The following ERAP1 variants were observed in gnomAD, a reference collection of about 807,000 sequenced individuals.
The protein encoded by ERAP1 is endoplasmic reticulum aminopeptidase 1.
Under a neutral mutation model 103.7 loss-of-function variants are expected in ERAP1, and 86 were observed. The ratio of observed to expected loss-of-function variants is 0.83; its 90% CI spans 0.70 to 0.99. The LOEUF is 0.99. Ranked by LOEUF, ERAP1 falls within the 50% of genes least tolerant of loss-of-function variation. The pLI, the probability that ERAP1 is intolerant of heterozygous loss-of-function variation, is 0.00. For missense variants in ERAP1, 1,009 were observed against 1,128.4 expected (o/e 0.89, Z 1.52); for synonymous variants, 398 against 402.4 (o/e 0.99, Z 0.13).
the ERAP1 span, among the ~76,000 whole-genome samples, chr5:96,839,181 T>C: frequency 6.6e-6 from 1 of 152,244 alleles, no homozygotes; most frequent in Non-Finnish European, 1.5e-5. Context: ...GGACATGTCA[T>C]CCTTGTGGTA....
intron 4 of ERAP1, among the ~76,000 whole-genome samples, chr5:96,795,638 GC>G: frequency 6.6e-6 from 1 of 152,288 alleles, no homozygotes; most frequent in East Asian, 1.9e-4. Context: ...GTACCCAAAG[GC>G]CAGGCCTTTA....
the ERAP1 span, among the ~76,000 whole-genome samples, chr5:96,840,690 TG>T: frequency 6.7e-6 from 1 of 148,554 alleles, no homozygotes; most frequent in Non-Finnish European, 1.5e-5. Context: ...ACTCAGGCAT[TG>T]GACTTTTTTT....
intron 5 of ERAP1, among the ~76,000 whole-genome samples, chr5:96,794,636 T>C (rs1274726297): frequency 1.3e-5 from 2 of 152,220 alleles, no homozygotes; most frequent in African/African-American, 4.8e-5. Context: ...TTTAAGGGCT[T>C]GTGTAAGAAA....
intron 19 of ERAP1, chr5:96,765,149 A>T: frequency 1.2e-6 from 1 of 845,806 alleles, no homozygotes; most frequent in Non-Finnish European, 2.0e-6. Context: ...GAAAAGATGG[A>T]GTTCCTGGGC....
At chr5:96,926,039 T>C in the ERAP1 span, among the ~76,000 whole-genome samples, 3 of 151,074 alleles carry the variant, frequency 2.0e-5, no homozygotes, top group Non-Finnish European at 2.9e-5. Flanking sequence ...GCCTCCCAAG[T>C]AGCTGGGACT....
upstream of ERAP1, among the ~76,000 whole-genome samples, chr5:96,812,416 G>C (rs565122306): frequency 1.3e-5 from 2 of 152,186 alleles, no homozygotes; most frequent in Non-Finnish European, 2.9e-5. Context: ...CCTTTGTTTA[G>C]GAGGCTTTAT....
the ERAP1 span, among the ~76,000 whole-genome samples, chr5:96,836,857 C>T: frequency 4.4e-4 from 67 of 152,140 alleles, no homozygotes; most frequent in Middle Eastern, 3.4e-3. Flanking sequence ...AATGTACTTA[C>T]CTTGTTTTGA....
At chr5:96,804,224 C>T (rs1218181439) in intron 1 of ERAP1, 7 of 436,464 alleles carry the variant, frequency 1.6e-5, no homozygotes, top group African/African-American at 4.0e-5. Flanking sequence ...TGAAAGCAAC[C>T]GAACAAGCTC....
At chr5:96,801,060 G>GT in intron 2 of ERAP1, 60 bp from the exon 3 acceptor site, 3 of 1,585,124 alleles carry the variant, frequency 1.9e-6, no homozygotes, top group Non-Finnish European at 2.6e-6. Flanking sequence ...TCTAAAACAG[G>GT]TGTTTGCTTT....
chr5:96,783,310 C>A, intron 14 of ERAP1, 75 bp from the exon 15 acceptor site: 1 of 1,375,630 alleles, frequency 7.3e-7, no homozygotes, highest in Non-Finnish European at 1.0e-6. Flanking sequence ...CCATTATGGT[C>A]TCAGATGATG....
chr5:96,915,590 A>G, the ERAP1 span: 3 of 564,756 alleles, frequency 5.3e-6, no homozygotes, highest in Non-Finnish European at 8.6e-6. Context: ...CAAGCTTATC[A>G]CATAGTTATT....
chr5:96,856,365 T>TATATATATATATATATATATATAGAGAG, the ERAP1 span, among the ~76,000 whole-genome samples: 7 of 20,386 alleles, frequency 3.4e-4, no homozygotes, highest in Non-Finnish European at 5.5e-4. Context: ...TATATATATA[T>TATATATATATATATATATATATAGAGAG]AGAGAGAGAG....
Position 96,793,408 on chromosome 5 carries a change from G to A in ERAP1, c.1180C>T (p.Leu394=). Residue 394 remains leucine (L), a synonymous_variant, in exon 7 of 19, where the codon CTG becomes TTG. Transcript: ENST00000443439. ...FVSVSVTHPE[L]KVGDYFFGKC... ...GATAAATAACTACTTACAACTTTCA[G>A]TTCAGGATGGGTCACACTGACAGAC... The A allele has an allele frequency of 1.2e-6, 2 of 1,611,772 alleles. No homozygotes were observed. Among genetic ancestry groups the A allele is most frequent in the Non-Finnish European group, 1.7e-6 (2 of 1,177,980 alleles).
chr5:96,837,240 C>T, the ERAP1 span, among the ~76,000 whole-genome samples: 1 of 152,162 alleles, frequency 6.6e-6, no homozygotes, highest in South Asian at 2.1e-4. Flanking sequence ...TCATTTACAA[C>T]TATTAAATGT....
chr5:96,856,755 GTC>G, the ERAP1 span, among the ~76,000 whole-genome samples: 1 of 152,112 alleles, frequency 6.6e-6, no homozygotes, highest in South Asian at 2.1e-4. Flanking sequence ...TTGTCACTGG[GTC>G]TCTGTTTTCA....
At chr5:96,824,637 C>T in the ERAP1 span, among the ~76,000 whole-genome samples, 2 of 152,238 alleles carry the variant, frequency 1.3e-5, no homozygotes, top group Non-Finnish European at 2.9e-5. Flanking sequence ...ACTTTCCCAT[C>T]TGCCAACAAT....
At chr5:96,887,148 A>G in the ERAP1 span, among the ~76,000 whole-genome samples, 19 of 150,176 alleles carry the variant, frequency 1.3e-4, no homozygotes, top group Admixed American at 4.0e-4. Context: ...CCCTTTGCAA[A>G]ATAATATATT....
the ERAP1 span, among the ~76,000 whole-genome samples, chr5:96,851,967 C>T: frequency 2.6e-5 from 4 of 152,048 alleles, no homozygotes; most frequent in Admixed American, 6.6e-5. Context: ...AGCAGCAAGC[C>T]GTCTGACAGC....
At chr5:96,785,537 C>A (rs150641806) in intron 13 of ERAP1, 7 of 474,900 alleles carry the variant, frequency 1.5e-5, no homozygotes, top group South Asian at 2.1e-5. Context: ...TCTACACTTC[C>A]GCCTCAGTAT....
Sources: gnomAD v4.1 joint callset for allele counts (sites outside exome capture counted in the v4.1 genomes callset) on GRCh38, gnomAD v4.1.1 for gene constraint, MANE v1.5 for transcripts, NCBI Gene and HGNC (gene_info 2026-07-23, HGNC 2026-07-21) for gene names.